ACSL1: variants seen among roughly 807,000 people sequenced by gnomAD.
The protein encoded by ACSL1 is long-chain-fatty-acid--CoA ligase 1.
In ACSL1, 41 loss-of-function variants were observed where a neutral mutation model predicts 98.4. The ratio of observed to expected loss-of-function variants is 0.42; its 90% CI spans 0.32 to 0.54. ACSL1 has a LOEUF of 0.54. Ranked by LOEUF, ACSL1 falls within the 20% of genes least tolerant of loss-of-function variation. The pLI, the probability that ACSL1 is intolerant of heterozygous loss-of-function variation, is 0.13. For missense variants in ACSL1, 734 were observed against 883.1 expected (o/e 0.83, Z 2.14); for synonymous variants, 316 against 322.7 (o/e 0.98, Z 0.22).
chr4:184,817,429 T>G (rs540772775), intron 1 of ACSL1, among the ~76,000 whole-genome samples: 1 of 152,322 alleles, frequency 6.6e-6, no homozygotes, highest in South Asian at 2.1e-4. Context: ...GAAGTTCTAA[T>G]GTTTCTATTC....
At chr4:184,791,709 C>T (rs554814603) in intron 2 of ACSL1, among the ~76,000 whole-genome samples, 1 of 152,244 alleles carries the variant, frequency 6.6e-6, no homozygotes, top group Non-Finnish European at 1.5e-5. Context: ...GGGGAGAAAC[C>T]AACTCCTACA....
At chr4:184,814,968 A>G (rs1212067680) in intron 1 of ACSL1, 5 of 455,120 alleles carry the variant, frequency 1.1e-5, no homozygotes, top group African/African-American at 1.0e-4. Flanking sequence ...AGTTCCTGAC[A>G]ATCAGAAAGC....
At chr4:184,786,788 G>A (rs951532217) in intron 3 of ACSL1, among the ~76,000 whole-genome samples, 6 of 148,810 alleles carry the variant, frequency 4.0e-5, no homozygotes, top group Admixed American at 1.4e-4. Context: ...CCACCTCTCC[G>A]GTTCAAGCGA....
chr4:184,821,164 T>C, intron 1 of ACSL1: 1 of 454,410 alleles, frequency 2.2e-6, no homozygotes, highest in South Asian at 1.6e-5. Context: ...TTCCTAAGCC[T>C]GGCCGTGTCC....
chr4:184,814,881 C>T (rs1015240096), intron 1 of ACSL1: 2 of 376,330 alleles, frequency 5.3e-6, no homozygotes, highest in African/African-American at 4.2e-5. Flanking sequence ...CACTTTCGTG[C>T]CTCTTTGAAA....
At chr4:184,758,396 A>C (rs1762405170) in intron 18 of ACSL1, 1 of 155,988 alleles carries the variant, frequency 6.4e-6, no homozygotes, top group African/African-American at 2.4e-5. Context: ...CTCTACCAAA[A>C]AATTGAAAAT....
At chr4:184,793,870 T>C (rs1768866611) in intron 2 of ACSL1, among the ~76,000 whole-genome samples, 1 of 152,188 alleles carries the variant, frequency 6.6e-6, no homozygotes, top group Admixed American at 6.5e-5. Context: ...CTGTTCCCCT[T>C]CAGGATACCC....
At chr4:184,762,319 T>A in intron 17 of ACSL1, 88 bp downstream of exon 17, 1 of 1,139,330 alleles carries the variant, frequency 8.8e-7, no homozygotes, top group South Asian at 1.2e-5. Flanking sequence ...AGGGTGCCAC[T>A]GCCACATGGC....
At chr4:184,813,215 A>AC (rs1772298859) in intron 1 of ACSL1, among the ~76,000 whole-genome samples, 1 of 152,150 alleles carries the variant, frequency 6.6e-6, no homozygotes. Context: ...GGCGGTACAT[A>AC]TTTAAGAGGG....
rs780476757 is a variant in ACSL1, at chr4:184,768,477, A to G, written c.994-27T>C. On this transcript the variant is annotated intron_variant, in intron 11 of 20. Transcript: ENST00000281455. ...TATAGGGGTAATGGAAAAAACAAAC[A>G]TTTTATCACCACAGCAGGGGTTACA... 1.9e-6 allele frequency: 3 copies of G among 1,598,690 alleles called. No individual in the cohort carries two copies. The African/African-American group carries it at 4.1e-5, about 22-fold the overall frequency.
At chr4:184,802,052 G>C (rs1561232287) in intron 2 of ACSL1, among the ~76,000 whole-genome samples, 3 of 152,216 alleles carry the variant, frequency 2.0e-5, no homozygotes, top group African/African-American at 7.2e-5. Flanking sequence ...AATCCCTTAG[G>C]AAAAGGGAGA....
intron 1 of ACSL1, among the ~76,000 whole-genome samples, chr4:184,819,203 C>T (rs552834900): frequency 1.3e-5 from 2 of 149,214 alleles, no homozygotes; most frequent in African/African-American, 5.0e-5. Flanking sequence ...AGTGCAATGG[C>T]ACGATCTTGG....
chr4:184,778,881 G>A (rs986950911), intron 5 of ACSL1, among the ~76,000 whole-genome samples: 1 of 152,050 alleles, frequency 6.6e-6, no homozygotes, highest in Non-Finnish European at 1.5e-5. Flanking sequence ...CAGTCCAGCT[G>A]TGGAGAATGC....
intron 2 of ACSL1, among the ~76,000 whole-genome samples, chr4:184,799,749 A>G (rs1770140093): frequency 6.6e-6 from 1 of 152,104 alleles, no homozygotes; most frequent in African/African-American, 2.4e-5. Flanking sequence ...CTCTGGAGTT[A>G]GAGGTGAGAG....
intron 1 of ACSL1, among the ~76,000 whole-genome samples, chr4:184,814,083 G>A (rs1772383360): frequency 6.6e-6 from 1 of 152,066 alleles, no homozygotes; most frequent in Non-Finnish European, 1.5e-5. Flanking sequence ...GAGGTCAGGA[G>A]ATCAAGACCA....
At chr4:184,776,773 A>G in intron 6 of ACSL1, 111 bp from the exon 7 acceptor site, 3 of 1,481,658 alleles carry the variant, frequency 2.0e-6, no homozygotes, top group Non-Finnish European at 2.8e-6. Flanking sequence ...ATAAAAAGGT[A>G]GATATATATT....
At chr4:184,823,234 A>G (rs1773205091) in intron 1 of ACSL1, among the ~76,000 whole-genome samples, 3 of 152,206 alleles carry the variant, frequency 2.0e-5, no homozygotes, top group Non-Finnish European at 4.4e-5. Flanking sequence ...AGGCCTAAAA[A>G]GGCTTCAGGA....
intron 2 of ACSL1, 61 bp from the exon 3 acceptor site, chr4:184,788,792 G>A (rs891366053): frequency 7.6e-7 from 1 of 1,318,062 alleles, no homozygotes; most frequent in African/African-American, 1.5e-5. Flanking sequence ...ACTGTGGAAT[G>A]GCTAAATCAA....
chr4:184,776,933 T>C lies in ACSL1; in HGVS notation c.528A>G (p.Pro176=), dbSNP rs1005964484. 2 of 1,614,184 alleles carry C rather than the reference T, an allele frequency of 1.2e-6. No individual in the cohort carries two copies. Among genetic ancestry groups the C allele is most frequent in the Non-Finnish European group, 1.7e-6 (2 of 1,180,036 alleles). The change falls in exon 6 of 21, where the codon CCA becomes CCG. Residue 176 remains proline, a synonymous_variant. Transcript: ENST00000281455. ...GCFAYSMVIV[P]LYDTLGNEAI... ...CTTCATTTCCAAGGGTATCATAAAG[T>C]GGAACGATCACCATCGAATAAGCAA... is the stretch of plus-strand genomic sequence containing the variant.
Sources: gnomAD v4.1 joint callset for allele counts (sites outside exome capture counted in the v4.1 genomes callset) on GRCh38, gnomAD v4.1.1 for gene constraint, MANE v1.5 for transcripts, NCBI Gene and HGNC (gene_info 2026-07-23, HGNC 2026-07-21) for gene names.